CLSTN1: variants seen among roughly 807,000 people sequenced by gnomAD.
CLSTN1 encodes calsyntenin-1.
Under a neutral mutation model 108.3 loss-of-function variants are expected in CLSTN1, and 28 were observed. The observed-to-expected ratio is 0.26, with a 90% CI of 0.19 to 0.35. The LOEUF (loss-of-function observed/expected upper bound fraction) is 0.35. Among genes scored for constraint, CLSTN1 ranks in the 10% least tolerant of loss-of-function variants. CLSTN1 has a pLI of 1.00. For synonymous variants in CLSTN1, 524 were observed against 534.9 expected, an observed-to-expected ratio of 0.98 and a Z score of 0.28; for missense variants, 1,157 against 1,302.6, an observed-to-expected ratio of 0.89 and a Z score of 1.72.
At chr1:9,732,616 G>A (rs971560191) in intron 16 of CLSTN1, among the ~76,000 whole-genome samples, 1 of 152,238 alleles carries the variant, frequency 6.6e-6, no homozygotes, top group Non-Finnish European at 1.5e-5. Context: ...CCATTGCTAA[G>A]AGTAACTTTG....
chr1:9,770,576 C>T (rs1306723772), intron 2 of CLSTN1, among the ~76,000 whole-genome samples: 2 of 152,242 alleles, frequency 1.3e-5, no homozygotes, highest in Non-Finnish European at 1.5e-5. Context: ...TGTGCCTCCG[C>T]TTCCTGCCTT....
rs761669637 is a variant in CLSTN1 at position 9,729,554 on chromosome 1, T to A, written c.*954A>T. On this transcript the variant is annotated 3_prime_UTR_variant, in exon 19 of 19. Coordinates refer to ENST00000377298, the MANE Select transcript of CLSTN1 (RefSeq NM_001009566.3). ...GGCCTCCTGCCGTCTCCAAAAGGAG[T>A]GGTCAGCCGGTCTGCAGGACACCTC... 1 of 152,286 alleles carries A rather than the reference T, an allele frequency of 6.6e-6. No individual in the cohort carries two copies. The highest frequency in any genetic ancestry group is 2.4e-5 in the African/African-American group (1 of 41,306). The allele number at this position is 152,286 out of a possible 1,614,324, so 9.4% of individuals were successfully genotyped here.
At chr1:9,751,997 C>T (rs1651581492) in intron 4 of CLSTN1, among the ~76,000 whole-genome samples, 1 of 151,540 alleles carries the variant, frequency 6.6e-6, no homozygotes, top group Non-Finnish European at 1.5e-5. Context: ...TGGGACAAGA[C>T]AGGCAGAAGG....
Position 9,733,689 on chromosome 1 carries a change from G to A in CLSTN1, c.2282-143C>T, listed in dbSNP as rs368515762. 8.4e-5 allele frequency: 82 copies of A among 972,664 alleles called. No homozygotes were observed. The South Asian group carries it at 1.1e-3, about 13-fold the overall frequency. 60.3% of individuals were successfully genotyped at this position (972,664 alleles called of 1,614,324 possible). A position where few individuals can be genotyped will look rare whatever the true frequency, so the allele number is the denominator to read the frequency against. On this transcript the variant is annotated intron_variant, in intron 15 of 18. Transcript: ENST00000377298. Reference sequence around the variant, plus strand: ...TCACACAAGTTGGCTTTCTAGCCATGGGAATAAATGCAATGTGCACAGGGG... The same window carrying A: ...TCACACAAGTTGGCTTTCTAGCCATAGGAATAAATGCAATGTGCACAGGGG...
chr1:9,731,954 T>C, intron 16 of CLSTN1, 58 bp from the exon 17 acceptor site: 3 of 1,605,522 alleles, frequency 1.9e-6, no homozygotes, highest in Non-Finnish European at 2.6e-6. Flanking sequence ...GTCCAAGAGG[T>C]GACAGTGGAG....
intron 1 of CLSTN1, among the ~76,000 whole-genome samples, 196 bp from the exon 2 acceptor site, chr1:9,773,590 T>C (rs763802253): frequency 2.6e-5 from 4 of 152,152 alleles, no homozygotes; most frequent in Non-Finnish European, 5.9e-5. Flanking sequence ...ATAAGTAATG[T>C]TGAAATTATC....
chr1:9,806,865 TG>T (rs1557724019), intron 1 of CLSTN1, among the ~76,000 whole-genome samples: 1 of 151,834 alleles, frequency 6.6e-6, no homozygotes, highest in African/African-American at 2.4e-5. Flanking sequence ...GGCAACAGAG[TG>T]AGATTCCGTC....
intron 2 of CLSTN1, among the ~76,000 whole-genome samples, chr1:9,772,460 T>C (rs1295984689): frequency 6.6e-6 from 1 of 152,054 alleles, no homozygotes; most frequent in East Asian, 1.9e-4. Flanking sequence ...GGCATGTCAC[T>C]GTGCCCAGCC....
chr1:9,813,029 TGGCG>T (rs1430475127), intron 1 of CLSTN1, among the ~76,000 whole-genome samples: 3 of 147,458 alleles, frequency 2.0e-5, no homozygotes, highest in Non-Finnish European at 4.5e-5. Context: ...CCAGGCATGG[TGGCG>T]GGTGCCTAGT....
intron 1 of CLSTN1, among the ~76,000 whole-genome samples, chr1:9,804,209 A>G (rs1654407110): frequency 6.6e-6 from 1 of 151,896 alleles, no homozygotes; most frequent in Admixed American, 6.6e-5. Context: ...AAAAATACAA[A>G]AAAATTAGCC....
intron 1 of CLSTN1, among the ~76,000 whole-genome samples, chr1:9,814,137 T>C (rs532686167): frequency 7.0e-4 from 105 of 150,006 alleles, no homozygotes; most frequent in African/African-American, 2.5e-3. Flanking sequence ...AGGCTGAGCA[T>C]GGTGGCTCAT....
At chr1:9,791,854 T>C (rs1436227039) in intron 1 of CLSTN1, among the ~76,000 whole-genome samples, 1 of 151,164 alleles carries the variant, frequency 6.6e-6, no homozygotes, top group Non-Finnish European at 1.5e-5. Flanking sequence ...TTTAGTTTAA[T>C]GTTAAGATTT....
chr1:9,750,670 C>T (rs752714154), intron 5 of CLSTN1, among the ~76,000 whole-genome samples: 64 of 145,684 alleles, frequency 4.4e-4, no homozygotes, highest in Non-Finnish European at 4.9e-4. Flanking sequence ...AGTGACTGCA[C>T]CACTACATTC....
At position 9,735,872 on chromosome 1, in the gene CLSTN1, C is replaced by T. The variant is rs1278758255; in HGVS notation, c.1734+13G>A. The T allele has an allele frequency of 2.5e-6, 4 of 1,613,670 alleles. No homozygotes were observed. The highest frequency in any genetic ancestry group is 2.7e-5 in the African/African-American group (2 of 74,918). On this transcript the variant is annotated intron_variant, in intron 12 of 18. Coordinates refer to ENST00000377298, the MANE Select transcript of CLSTN1 (RefSeq NM_001009566.3). Reference sequence around the variant, plus strand: ...GGCCCATGAGTGGTGTGCAGTCGAGCGCTCGGTGTTACCTGCACGCCTCTG... The same window carrying T: ...GGCCCATGAGTGGTGTGCAGTCGAGTGCTCGGTGTTACCTGCACGCCTCTG...
At chr1:9,768,961 G>A (rs201730667) in intron 2 of CLSTN1, among the ~76,000 whole-genome samples, 4 of 143,788 alleles carry the variant, frequency 2.8e-5, no homozygotes, top group Non-Finnish European at 6.2e-5. Flanking sequence ...GGGAGGAAAA[G>A]GGGGAAGGAG....
At chr1:9,738,713 G>GGTGT (rs1044486757) in intron 10 of CLSTN1, among the ~76,000 whole-genome samples, 4 of 152,198 alleles carry the variant, frequency 2.6e-5, no homozygotes, top group Admixed American at 1.3e-4. Flanking sequence ...GGAGTGCAGT[G>GGTGT]GTGTGATCTT....
chr1:9,747,189 A>AG (rs1290901018), intron 7 of CLSTN1, among the ~76,000 whole-genome samples: 1 of 151,022 alleles, frequency 6.6e-6, no homozygotes, highest in East Asian at 1.9e-4. Context: ...AAAAAAAAAA[A>AG]AAAAAAAAAA....
chr1:9,758,823 C>T (rs1393624861), intron 2 of CLSTN1, among the ~76,000 whole-genome samples: 2 of 152,130 alleles, frequency 1.3e-5, no homozygotes, highest in African/African-American at 4.8e-5. Flanking sequence ...TGTGAAAATG[C>T]CATCAGTTGT....
chr1:9,733,934 A>T (rs764662430), intron 15 of CLSTN1, 38 bp downstream of exon 15: 1 of 1,577,674 alleles, frequency 6.3e-7, no homozygotes, highest in East Asian at 2.2e-5. Flanking sequence ...CCCCTCTTGC[A>T]GCCTGGCCCA....
Sources: allele counts gnomAD v4.1 joint callset (sites outside exome capture counted in the v4.1 genomes callset), GRCh38; gene constraint gnomAD v4.1.1; transcripts MANE v1.5; gene names NCBI Gene and HGNC (gene_info 2026-07-23, HGNC 2026-07-21).